KAZN: variants seen among roughly 807,000 people sequenced by gnomAD.
KAZN encodes kazrin, periplakin interacting protein, also known as kazrin.
In KAZN, 40 loss-of-function variants were observed where a neutral mutation model predicts 87.4. The ratio of observed to expected loss-of-function variants is 0.46; its 90% CI spans 0.36 to 0.60. The LOEUF (loss-of-function observed/expected upper bound fraction) is 0.60. Ranked by LOEUF, KAZN falls within the 20% of genes least tolerant of loss-of-function variation. The pLI is 0.00. For missense variants in KAZN, 898 were observed against 1,073.9 expected (o/e 0.84, Z 2.29); for synonymous variants, 466 against 458.3 (o/e 1.02, Z -0.22).
intron 1 of KAZN, among the ~76,000 whole-genome samples, chr1:14,679,932 G>A (rs1264301637): frequency 6.6e-6 from 1 of 152,108 alleles, no homozygotes; most frequent in African/African-American, 2.4e-5. Context: ...TGTGTCAAGG[G>A]TGAAGGATGC....
At chr1:15,097,676 G>T (rs1573298781) in intron 10 of KAZN, among the ~76,000 whole-genome samples, 1 of 152,106 alleles carries the variant, frequency 6.6e-6, no homozygotes, top group East Asian at 1.9e-4. Context: ...AAAATTAGTA[G>T]GCGTGGTGGT....
Position 15,010,386 on chromosome 1 carries a change from CTTTTTT to C in KAZN, c.419-24346_419-24341del, listed in dbSNP as rs34697316. Among the ~76,000 whole-genome samples the C allele has an allele frequency of 4.1e-3, 322 of 78,238 alleles. 1 individual carries two copies. Among genetic ancestry groups the C allele is most frequent in the African/African-American group, 0.016 (311 of 19,270 alleles). The allele number at this position is 78,238 out of a possible 152,430, so 51.3% of individuals were successfully genotyped here. ...GGGCACGTGCCATCTGGTTGTCTTG[CTTTTTT>C]TTTTTTTTTTTTTTTTGAGACGGAG... On this transcript the variant is annotated intron_variant, in intron 2 of 14. Transcript: ENST00000376030.
chr1:14,148,527 T>A (rs561798101), intron 1 of KAZN, among the ~76,000 whole-genome samples: 1 of 152,366 alleles, frequency 6.6e-6, no homozygotes, highest in East Asian at 1.9e-4. Flanking sequence ...TCTTGTTTTA[T>A]GGATAAAATG....
At chr1:14,639,274 G>A (rs994384346) in intron 1 of KAZN, among the ~76,000 whole-genome samples, 3 of 152,158 alleles carry the variant, frequency 2.0e-5, no homozygotes, top group Non-Finnish European at 4.4e-5. Context: ...ACCTTGAACA[G>A]GGCAGGGAAA....
At chr1:15,000,682 A>T (rs1668373283) in intron 2 of KAZN, among the ~76,000 whole-genome samples, 1 of 151,944 alleles carries the variant, frequency 6.6e-6, no homozygotes, top group East Asian at 1.9e-4. Context: ...AGCCCCTGGC[A>T]TGGAATAAGC....
chr1:14,404,464 G>A (rs755896922), intron 2 of KAZN, among the ~76,000 whole-genome samples: 8 of 152,080 alleles, frequency 5.3e-5, no homozygotes, highest in Non-Finnish European at 1.2e-4. Context: ...TCTATCTCCC[G>A]TATCAGTGTG....
Position 14,735,696 on chromosome 1 carries a change from C to A in KAZN, c.226+136473C>A, listed in dbSNP as rs1354942290. Among the ~76,000 whole-genome samples the A allele has an allele frequency of 6.6e-6, 1 of 152,222 alleles. No individual in the cohort carries two copies. Among genetic ancestry groups the A allele is most frequent in the Non-Finnish European group, 1.5e-5 (1 of 68,046 alleles). ...CGGCCAGTTTCCATTACTCTCCCGA[C>A]CTGTTCCAGATTTCCAAAGCGGCAT... On this transcript the variant is annotated intron_variant, in intron 1 of 14. Coordinates refer to ENST00000376030, the MANE Select transcript of KAZN (RefSeq NM_201628.3). The surrounding 1 kb of genome is among the most constrained non-coding windows in gnomAD (Gnocchi z 4.3).
chr1:14,123,364 G>A (rs1299717086), intron 1 of KAZN, among the ~76,000 whole-genome samples: 2 of 152,162 alleles, frequency 1.3e-5, no homozygotes, highest in Non-Finnish European at 2.9e-5. Flanking sequence ...TCCAACAGCT[G>A]TCAGCCTTGT....
chr1:14,779,170 C>T (rs542345234), intron 1 of KAZN, among the ~76,000 whole-genome samples: 1 of 152,350 alleles, frequency 6.6e-6, no homozygotes, highest in South Asian at 2.1e-4. Flanking sequence ...TCCACCTCTC[C>T]ATAGGCCACA....
At chr1:14,477,960 A>G (rs1668844744) in intron 2 of KAZN, among the ~76,000 whole-genome samples, 1 of 152,160 alleles carries the variant, frequency 6.6e-6, no homozygotes, top group Admixed American at 6.5e-5. Flanking sequence ...ATGCCAAGCA[A>G]CGCCTCTGCT....
intron 2 of KAZN, among the ~76,000 whole-genome samples, chr1:14,544,427 G>A: frequency 7.6e-6 from 1 of 130,762 alleles, no homozygotes; most frequent in East Asian, 2.4e-4. Flanking sequence ...AATCCCAAAT[G>A]ACTAAGAATA....
chr1:14,164,534 C>CTTTT (rs1168650321), intron 1 of KAZN, among the ~76,000 whole-genome samples: 3 of 93,780 alleles, frequency 3.2e-5, no homozygotes, highest in Non-Finnish European at 6.3e-5. Context: ...TGAGTTTCCT[C>CTTTT]TTTTTTTTTT....
At chr1:14,286,228 A>G (rs6683535) in intron 2 of KAZN, among the ~76,000 whole-genome samples, 1 of 151,938 alleles carries the variant, frequency 6.6e-6, no homozygotes, top group African/African-American at 2.4e-5. Flanking sequence ...AGATGGCTAC[A>G]TTCTCCCCGT....
At chr1:14,629,591 T>C (rs891793393) in intron 1 of KAZN, among the ~76,000 whole-genome samples, 7 of 152,200 alleles carry the variant, frequency 4.6e-5, no homozygotes, top group Non-Finnish European at 1.0e-4. Flanking sequence ...GCAGTCTTCC[T>C]CTTCTGGTCC....
chr1:14,624,183 G>A (rs1182033972), intron 1 of KAZN, among the ~76,000 whole-genome samples: 1 of 152,208 alleles, frequency 6.6e-6, no homozygotes, highest in East Asian at 1.9e-4. Context: ...AGCACTTTGG[G>A]AGGCTGAGGT....
chr1:14,955,794 C>A (rs976047240), intron 1 of KAZN, among the ~76,000 whole-genome samples: 1 of 152,190 alleles, frequency 6.6e-6, no homozygotes, highest in Non-Finnish European at 1.5e-5. Context: ...CAGAGAAGAC[C>A]CTGGCAGATG....
intron 1 of KAZN, among the ~76,000 whole-genome samples, chr1:14,077,232 G>T (rs1241430304): frequency 6.6e-6 from 1 of 152,084 alleles, no homozygotes; most frequent in Non-Finnish European, 1.5e-5. Context: ...TCTGCTATTG[G>T]CTTGCCACTG....
At chr1:14,698,080 A>G (rs150329185) in intron 1 of KAZN, among the ~76,000 whole-genome samples, 37 of 152,316 alleles carry the variant, frequency 2.4e-4, no homozygotes, top group African/African-American at 7.5e-4. Flanking sequence ...GTTCTCCAGT[A>G]TTCTACCCAA....
Position 14,775,700 on chromosome 1 carries a change from G to A in KAZN, c.226+176477G>A, listed in dbSNP as rs368309866. ...TCACATTTCCTCTTGAGAAGCTACC[G>A]ATTTAGCCTTAGGCTCATAGCATCT... On this transcript the variant is annotated intron_variant, in intron 1 of 14. Coordinates refer to ENST00000376030, the MANE Select transcript of KAZN (RefSeq NM_201628.3). 1.4e-4 allele frequency among the ~76,000 whole-genome samples: 22 copies of A among 152,350 alleles called. No homozygotes were observed. The South Asian group carries it at 2.7e-3, about 19-fold the overall frequency.
Sources: allele counts gnomAD v4.1 joint callset (sites outside exome capture counted in the v4.1 genomes callset), GRCh38; gene constraint gnomAD v4.1.1; non-coding constraint Gnocchi (gnomAD v3.1); transcripts MANE v1.5; gene names NCBI Gene and HGNC (gene_info 2026-07-23, HGNC 2026-07-21).